ABCF1: variants seen among roughly 807,000 people sequenced by gnomAD.
ABCF1 encodes ATP binding cassette subfamily F member 1.
ABCF1 carries 73 observed loss-of-function variants against 126.3 expected under a neutral mutation model. That is an observed-to-expected ratio of 0.58 (90% confidence interval 0.48 to 0.70). The LOEUF is 0.70. Among genes scored for constraint, ABCF1 ranks in the 30% least tolerant of loss-of-function variants. ABCF1 has a pLI of 0.00. For missense variants in ABCF1, 786 were observed against 1,057.5 expected (o/e 0.74, Z 3.56); for synonymous variants, 345 against 396.4 (o/e 0.87, Z 1.54).
chr6:30,584,042 GA>G lies in ABCF1; in HGVS notation c.1103-149del. 2 of 1,381,912 alleles carry G rather than the reference GA, an allele frequency of 1.4e-6. No individual in the cohort carries two copies. The allele number at this position is 1,381,912 out of a possible 1,614,324, so 85.6% of individuals were successfully genotyped here. A position where few individuals can be genotyped will look rare whatever the true frequency, so the allele number is the denominator to read the frequency against. ...GAAAGGGATGCTAAGGAAAGGAGGG[GA>G]GGGTCAATGAGGAACTTGAGAGTGT... On this transcript the variant is annotated intron_variant, in intron 12 of 24. Coordinates refer to ENST00000326195, the MANE Select transcript of ABCF1 (RefSeq NM_001025091.2). This position sits in a 1 kb window ranked among gnomAD's most constrained non-coding sequence, Gnocchi z 4.6.
At chr6:30,588,095 GT>G (rs977988025) in intron 20 of ABCF1, among the ~76,000 whole-genome samples, 3 of 151,916 alleles carry the variant, frequency 2.0e-5, no homozygotes, top group African/African-American at 7.3e-5. Flanking sequence ...TAGAGACAGG[GT>G]TTCACCATGT....
Position 30,584,751 on chromosome 6 carries a change from A to T in ABCF1, c.1391+185A>T, listed in dbSNP as rs1005108154. Among the ~76,000 whole-genome samples the T allele has an allele frequency of 2.0e-5, 3 of 152,146 alleles. No individual in the cohort carries two copies. Among genetic ancestry groups the T allele is most frequent in the Non-Finnish European group, 4.4e-5 (3 of 68,026 alleles). On this transcript the variant is annotated intron_variant, in intron 14 of 24. Coordinates refer to ENST00000326195, the MANE Select transcript of ABCF1 (RefSeq NM_001025091.2). The surrounding 1 kb of genome is among the most constrained non-coding windows in gnomAD (Gnocchi z 4.6). ...TCTCCCTACTTGGTGGTGAGTTCTC[A>T]TCAACATACCCTGCAGCTGGGTGCA...
In ABCF1 at chr6:30,590,714, A is replaced by G; in HGVS notation, c.*13A>G. On this transcript the variant is annotated 3_prime_UTR_variant, in exon 25 of 25. Coordinates refer to ENST00000326195, the MANE Select transcript of ABCF1 (RefSeq NM_001025091.2). ...GCCCCGAGAGTGAGCTTTCCTTCCC[A>G]GAAGTCTCCCGAGAGACATATTTGT... The G allele has an allele frequency of 6.3e-7, 1 of 1,598,984 alleles. No homozygotes were observed. The highest frequency in any genetic ancestry group is 8.5e-7 in the Non-Finnish European group (1 of 1,173,178).
In ABCF1 at chr6:30,589,929, G is replaced by A; in HGVS notation, c.2188G>A (p.Gly730Ser). 6.2e-7 allele frequency: 1 copy of A among 1,614,006 alleles called. No individual in the cohort carries two copies. The highest frequency in any genetic ancestry group is 1.1e-5 in the South Asian group (1 of 91,086). ...TGCCCGCAAGTGCCTGGGCCGCTTC[G>A]GCCTGGAGAGTCACGCCCACACCAT... ...QDARKCLGRF[G>S]LESHAHTIQI... The change falls in exon 22 of 25, where the codon GGC becomes AGC. Residue 730 changes from glycine to serine, a missense_variant. Around this residue, in one of 4 missense-constraint regions of ABCF1, gnomAD observed 288 missense variants for 423.5 expected, o/e 0.68. Transcript: ENST00000326195.
chr6:30,585,417 T>G (rs1802063662), intron 15 of ABCF1, 74 bp downstream of exon 15: 1 of 1,587,114 alleles, frequency 6.3e-7, no homozygotes, highest in African/African-American at 1.3e-5. Context: ...CTGTTTTCCT[T>G]TAGCCCTTCT....
Position 30,584,528 on chromosome 6 carries a change from G to A in ABCF1, c.1353G>A (p.Lys451=), listed in dbSNP as rs1802009056. 1.9e-6 allele frequency: 3 copies of A among 1,611,758 alleles called. No individual in the cohort carries two copies. Among genetic ancestry groups the A allele is most frequent in the African/African-American group, 2.7e-5 (2 of 75,016 alleles). The change falls in exon 14 of 25, where the codon AAG becomes AAA. Residue 451 remains lysine (K), a synonymous_variant. Transcript: ENST00000326195. This position sits in a 1 kb window ranked among gnomAD's most constrained non-coding sequence, Gnocchi z 4.6. ...DPEMQNRPTQ[K]FSGGWRMRVS... is the part of the protein sequence containing the mutation. ...AAATGCAGAATCGACCCACACAGAA[G>A]TTCTCAGGGGGCTGGCGCATGCGTG...
chr6:30,584,715 TTCTC>T lies in ABCF1; in HGVS notation c.1391+151_1391+154del. On this transcript the variant is annotated intron_variant, in intron 14 of 24. Coordinates refer to ENST00000326195, the MANE Select transcript of ABCF1 (RefSeq NM_001025091.2). This position sits in a 1 kb window ranked among gnomAD's most constrained non-coding sequence, Gnocchi z 4.6. ...TCTGTGTTGTGAGAACTTAGGGTCT[TTCTC>T]TATTTATCTCCCTACTTGGTGGTGA... The T allele has an allele frequency of 8.8e-7, 1 of 1,138,754 alleles. No homozygotes were observed. 70.5% of individuals were successfully genotyped at this position (1,138,754 alleles called of 1,614,324 possible).
intron 20 of ABCF1, among the ~76,000 whole-genome samples, chr6:30,588,280 T>A (rs897216109): frequency 1.3e-5 from 2 of 152,220 alleles, no homozygotes; most frequent in African/African-American, 4.8e-5. Context: ...TTAACAAAAA[T>A]GGGCTGTCAT....
chr6:30,576,108 G>T (rs1052648876), intron 1 of ABCF1, among the ~76,000 whole-genome samples: 10 of 148,134 alleles, frequency 6.8e-5, no homozygotes, highest in African/African-American at 2.5e-4. Flanking sequence ...GGGTGTGTGT[G>T]TGTTGTATAC....
Position 30,586,693 on chromosome 6 carries a change from G to A in ABCF1, c.2013G>A (p.Leu671=). 6.2e-7 allele frequency: 1 copy of A among 1,613,878 alleles called. No homozygotes were observed. Residue 671 remains leucine, a synonymous_variant, in exon 20 of 25, where the codon CTG becomes CTA. Coordinates refer to ENST00000326195, the MANE Select transcript of ABCF1 (RefSeq NM_001025091.2). The surrounding 1 kb of genome is among the most constrained non-coding windows in gnomAD (Gnocchi z 4.9). ...GGAAGAGTACGCTACTCCTGCTGCT[G>A]ACTGGCAAGCTGACACCGGTGAGTC... is the stretch of plus-strand genomic sequence containing the variant. ...GVGKSTLLLL[L]TGKLTPTHGE...
chr6:30,579,455 A>ATTTTTT (rs9281009), intron 6 of ABCF1, among the ~76,000 whole-genome samples: 1 of 112,128 alleles, frequency 8.9e-6, no homozygotes, highest in Non-Finnish European at 1.8e-5. Context: ...AGTTGGAACT[A>ATTTTTT]TTTTTTTTTT....
At chr6:30,582,308 G>C (rs1279648268) in intron 8 of ABCF1, 86 bp from the exon 9 acceptor site, 1 of 772,464 alleles carries the variant, frequency 1.3e-6, no homozygotes, top group Non-Finnish European at 2.2e-6. Context: ...TGCCCGCTTT[G>C]GCTTCCCAAA....
chr6:30,590,472 A>C, intron 24 of ABCF1, 63 bp from the exon 25 acceptor site: 1 of 1,579,366 alleles, frequency 6.3e-7, no homozygotes, highest in Non-Finnish European at 8.6e-7. Flanking sequence ...CCCTTATTTC[A>C]TGTTCTGATT....
Position 30,574,145 on chromosome 6 carries a change from G to A in ABCF1, c.73+2585G>A, listed in dbSNP as rs1801382963. Among the ~76,000 whole-genome samples the A allele has an allele frequency of 1.3e-5, 2 of 150,816 alleles. No homozygotes were observed. The highest frequency in any genetic ancestry group is 4.9e-5 in the African/African-American group (2 of 41,088). On this transcript the variant is annotated intron_variant, in intron 1 of 24. Coordinates refer to ENST00000326195, the MANE Select transcript of ABCF1 (RefSeq NM_001025091.2). This position sits in a 1 kb window ranked among gnomAD's most constrained non-coding sequence, Gnocchi z 4.3. ...AGTACAAAAGATTTTTTTGGTTTTG[G>A]TGGGTTTTTTTTTTTTGTGACGGAG...
At position 30,586,011 on chromosome 6, in the gene ABCF1, C is replaced by A; in HGVS notation, c.1713+20C>A. 1 of 1,600,848 alleles carries A rather than the reference C, an allele frequency of 6.2e-7. No individual in the cohort carries two copies. Among genetic ancestry groups the A allele is most frequent in the Non-Finnish European group, 8.5e-7 (1 of 1,173,054 alleles). ...CAGGCGGTGAGCACCTGAGGGACTT[C>A]TGGGCTGGGGGCCACTGTTCTCTCC... On this transcript the variant is annotated intron_variant, in intron 17 of 24. Coordinates refer to ENST00000326195, the MANE Select transcript of ABCF1 (RefSeq NM_001025091.2). The surrounding 1 kb of genome is among the most constrained non-coding windows in gnomAD (Gnocchi z 4.9).
At chr6:30,576,432 C>T (rs924938610) in intron 1 of ABCF1, among the ~76,000 whole-genome samples, 8 of 151,362 alleles carry the variant, frequency 5.3e-5, no homozygotes, top group African/African-American at 7.3e-5. Flanking sequence ...GGATTACAGG[C>T]GCCCGCCACT....
rs921926195 is a variant in ABCF1, at chr6:30,574,794, C to G, written c.74-2615C>G. On this transcript the variant is annotated intron_variant, in intron 1 of 24. Coordinates refer to ENST00000326195, the MANE Select transcript of ABCF1 (RefSeq NM_001025091.2). The surrounding 1 kb of genome is among the most constrained non-coding windows in gnomAD (Gnocchi z 4.3). Reference sequence around the variant, plus strand: ...TTCTGGATGGAGGATGCAGATTAAGCAAAGACAGACATAAGCGTGCCTGGG... The same window carrying G: ...TTCTGGATGGAGGATGCAGATTAAGGAAAGACAGACATAAGCGTGCCTGGG... 1.3e-5 allele frequency among the ~76,000 whole-genome samples: 2 copies of G among 151,896 alleles called. No homozygotes were observed. Among genetic ancestry groups the G allele is most frequent in the Non-Finnish European group, 1.5e-5 (1 of 67,986 alleles).
chr6:30,575,244 AT>A (rs1045423660), intron 1 of ABCF1, among the ~76,000 whole-genome samples: 1 of 151,506 alleles, frequency 6.6e-6, no homozygotes, highest in African/African-American at 2.4e-5. Flanking sequence ...TAATTTTTGT[AT>A]TTTTAGTAGA....
chr6:30,590,190 C>T lies in ABCF1; in HGVS notation c.2275C>T (p.Arg759Trp), dbSNP rs754981516. ...ARVVFAELACREPDVLILDEP... is the reference protein window; with the variant it reads ...ARVVFAELACWEPDVLILDEP... Reference sequence around the variant, plus strand: ...AGTTGTGTTTGCTGAGCTGGCCTGTCGGGAACCTGATGTCCTCATCTTGGT... The same window carrying T: ...AGTTGTGTTTGCTGAGCTGGCCTGTTGGGAACCTGATGTCCTCATCTTGGT... Residue 759 changes from arginine to tryptophan, a missense_variant, in exon 23 of 25, where the codon CGG becomes TGG. Physicochemically the swap from Arg to Trp is moderately radical, Grantham distance 101. Around this residue, in one of 4 missense-constraint regions of ABCF1, gnomAD observed 288 missense variants for 423.5 expected, o/e 0.68. Transcript: ENST00000326195. 2.6e-5 allele frequency: 42 copies of T among 1,613,004 alleles called. No individual in the cohort carries two copies. The East Asian group carries it at 3.1e-4, about 12-fold the overall frequency.
Sources: allele counts gnomAD v4.1 joint callset (sites outside exome capture counted in the v4.1 genomes callset), GRCh38; gene constraint gnomAD v4.1.1; regional missense constraint gnomAD v4.1.1; non-coding constraint Gnocchi (gnomAD v3.1); transcripts MANE v1.5; gene names NCBI Gene and HGNC (gene_info 2026-07-23, HGNC 2026-07-21).